Variants in MEF2D observed in about 807,000 individuals in gnomAD.
The protein encoded by MEF2D is myocyte enhancer factor 2D.
In MEF2D, 10 loss-of-function variants were observed where a neutral mutation model predicts 59.3. The observed-to-expected ratio is 0.17, with a 90% CI of 0.10 to 0.29. The LOEUF is 0.29. Ranked by LOEUF, MEF2D falls within the 10% of genes least tolerant of loss-of-function variation. The probability of loss-of-function intolerance (pLI) is 1.00; values close to 1 mark genes in which losing one functional copy is unlikely to be tolerated. For missense variants in MEF2D, 508 were observed against 699.4 expected (o/e 0.73, Z 3.09); for synonymous variants, 305 against 295.0 (o/e 1.03, Z -0.35).
In MEF2D at chr1:156,482,557, G is replaced by A. The variant is rs559649021; in HGVS notation, c.138C>T (p.Ile46=). The A allele has an allele frequency of 6.2e-7, 1 of 1,614,248 alleles. No individual in the cohort carries two copies. The highest frequency in any genetic ancestry group is 8.5e-7 in the Non-Finnish European group (1 of 1,180,050). The part of the protein sequence containing the change: ...SVLCDCEIAL[I]IFNHSNKLFQ... ...ACAGCTTGTTGGAGTGGTTGAAGAT[G>A]ATGAGTGCGATCTCGCAGTCACATA... Residue 46 remains isoleucine, a synonymous_variant, in exon 3 of 12, where the codon ATC becomes ATT. Transcript: ENST00000348159.
At chr1:156,476,986 C>G (rs376519279) in intron 7 of MEF2D, 26 bp downstream of exon 7, 6 of 1,612,974 alleles carry the variant, frequency 3.7e-6, no homozygotes, top group Non-Finnish European at 5.1e-6. Context: ...CCCCAGCCCC[C>G]ACCCTTGGCC....
intron 3 of MEF2D, among the ~76,000 whole-genome samples, chr1:156,481,522 C>A (rs188155389): frequency 2.6e-5 from 4 of 152,296 alleles, no homozygotes; most frequent in Non-Finnish European, 5.9e-5. Flanking sequence ...GACTGAGTCC[C>A]TACTGTGACC....
intron 5 of MEF2D, 58 bp from the exon 6 acceptor site, chr1:156,479,404 TTGGGGAC>T (rs1185578526): frequency 6.3e-7 from 1 of 1,577,178 alleles, no homozygotes; most frequent in Admixed American, 1.8e-5. Context: ...AGAGTGAGTC[TTGGGGAC>T]TGAACATGAA....
At chr1:156,490,161 C>CCA (rs1208320105) in intron 1 of MEF2D, among the ~76,000 whole-genome samples, 3 of 152,134 alleles carry the variant, frequency 2.0e-5, no homozygotes, top group African/African-American at 7.2e-5. Flanking sequence ...TCTCCCCATC[C>CCA]CACACACAGC....
chr1:156,485,703 T>TC (rs1234003836), intron 1 of MEF2D, among the ~76,000 whole-genome samples: 1 of 143,134 alleles, frequency 7.0e-6, no homozygotes, highest in East Asian at 2.0e-4. Flanking sequence ...AATAATTTCT[T>TC]TTTTTTTTTT....
intron 2 of MEF2D, 27 bp downstream of exon 2, chr1:156,483,212 C>T (rs1450475793): frequency 1.2e-6 from 2 of 1,613,806 alleles, no homozygotes; most frequent in Non-Finnish European, 1.7e-6. Context: ...CCCTCACCCA[C>T]TTCGTACGGC....
chr1:156,471,192 G>A (rs1244182764), intron 9 of MEF2D, among the ~76,000 whole-genome samples: 3 of 152,088 alleles, frequency 2.0e-5, no homozygotes, highest in African/African-American at 7.2e-5. Context: ...AGTAGCTGGC[G>A]TGATCTCGGC....
At chr1:156,497,768 CG>C (rs1557899882) in intron 1 of MEF2D, among the ~76,000 whole-genome samples, 1 of 152,096 alleles carries the variant, frequency 6.6e-6, no homozygotes, top group Admixed American at 6.5e-5. Flanking sequence ...ACCAGGCCAG[CG>C]TAAGTCCTGA....
At chr1:156,493,658 C>T (rs1318489843) in intron 1 of MEF2D, among the ~76,000 whole-genome samples, 1 of 152,190 alleles carries the variant, frequency 6.6e-6, no homozygotes, top group Non-Finnish European at 1.5e-5. Flanking sequence ...TGGCTTCTCA[C>T]CCTTTCATGA....
chr1:156,492,833 G>A (rs190127734), intron 1 of MEF2D, among the ~76,000 whole-genome samples: 5 of 152,292 alleles, frequency 3.3e-5, no homozygotes, highest in African/African-American at 4.8e-5. Context: ...CTTGAGAGCC[G>A]TTGGAATGAG....
chr1:156,498,631 A>C lies in MEF2D; in HGVS notation c.-139+1855T>G, dbSNP rs534837816. 6.1e-5 allele frequency among the ~76,000 whole-genome samples: 9 copies of C among 148,102 alleles called. No homozygotes were observed. The South Asian group carries it at 1.8e-3, about 30-fold the overall frequency. On this transcript the variant is annotated intron_variant, in intron 1 of 11. Transcript: ENST00000348159. The stretch of plus-strand genomic sequence containing the variant: ...CCCCCCTTCCCCCCAGAGAGACCAG[A>C]GACCTCTCCCTTTACAAATGTACAT...
chr1:156,484,958 G>T lies in MEF2D; in HGVS notation c.-138-1528C>A, dbSNP rs373960356. 1.2e-4 allele frequency among the ~76,000 whole-genome samples: 18 copies of T among 152,290 alleles called. No homozygotes were observed. The South Asian group carries it at 2.3e-3, about 19-fold the overall frequency. On this transcript the variant is annotated intron_variant, in intron 1 of 11. Coordinates refer to ENST00000348159, the MANE Select transcript of MEF2D (RefSeq NM_005920.4). Reference sequence around the variant, plus strand: ...CAGGAGTCCTTGCATCAAAAGTGGAGCTTTCTGGAAGATGTTGGAAGAGGA... The same window carrying T: ...CAGGAGTCCTTGCATCAAAAGTGGATCTTTCTGGAAGATGTTGGAAGAGGA...
chr1:156,494,441 T>A (rs1023036174), intron 1 of MEF2D, among the ~76,000 whole-genome samples: 1 of 151,714 alleles, frequency 6.6e-6, no homozygotes, highest in African/African-American at 2.4e-5. Context: ...TGGGGCTAAG[T>A]GTGGAGGAGG....
rs752692047 is a variant in MEF2D, at chr1:156,483,298, C to G, written c.-6G>C. The G allele has an allele frequency of 1.2e-6, 2 of 1,614,136 alleles. No homozygotes were observed. Among genetic ancestry groups the G allele is most frequent in the South Asian group, 1.1e-5 (1 of 91,082 alleles). Reference sequence around the variant, plus strand: ...TGAATCTTTTTCCTCCCCATCTTCTCCGGGGGTCCTCAGTGCTACGGAGGG... The same window carrying G: ...TGAATCTTTTTCCTCCCCATCTTCTGCGGGGGTCCTCAGTGCTACGGAGGG... On this transcript the variant is annotated 5_prime_UTR_variant, in exon 2 of 12. Transcript: ENST00000348159.
intron 4 of MEF2D, 114 bp downstream of exon 4, chr1:156,480,720 G>A (rs1305726266): frequency 6.2e-7 from 1 of 1,610,958 alleles, no homozygotes; most frequent in African/African-American, 1.3e-5. Context: ...TGGGGGGTCA[G>A]GGCAAACACC....
intron 1 of MEF2D, among the ~76,000 whole-genome samples, chr1:156,491,120 G>A (rs113771660): frequency 6.6e-6 from 1 of 152,168 alleles, no homozygotes; most frequent in Non-Finnish European, 1.5e-5. Context: ...CAGTAGAGAA[G>A]GGATGGGTGA....
chr1:156,498,124 A>C (rs1415252345), intron 1 of MEF2D, among the ~76,000 whole-genome samples: 2 of 150,968 alleles, frequency 1.3e-5, no homozygotes, highest in Non-Finnish European at 1.5e-5. Flanking sequence ...AAAAAAAAAA[A>C]AAACCCTGCT....
At chr1:156,486,737 T>G (rs1171563) in intron 1 of MEF2D, among the ~76,000 whole-genome samples, 31,354 of 152,228 alleles carry the variant, frequency 0.21, 3,612 homozygotes, top group Admixed American at 0.27. Context: ...GCCTGGCTCC[T>G]CTATGAGACT....
At chr1:156,467,685 T>C (rs760892138) in intron 11 of MEF2D, 29 bp from the exon 12 acceptor site, 5 of 1,346,000 alleles carry the variant, frequency 3.7e-6, no homozygotes, top group South Asian at 2.6e-5. Flanking sequence ...GAGAAGGGGG[T>C]GTGAGGGGGT....
Sources: gnomAD v4.1 joint callset for allele counts (sites outside exome capture counted in the v4.1 genomes callset) on GRCh38, gnomAD v4.1.1 for gene constraint, MANE v1.5 for transcripts, NCBI Gene and HGNC (gene_info 2026-07-23, HGNC 2026-07-21) for gene names.